NAPB: variants seen among roughly 807,000 people sequenced by gnomAD.
NAPB encodes beta-soluble NSF attachment protein.
In NAPB, 26 loss-of-function variants were observed where a neutral mutation model predicts 44.7. The observed-to-expected ratio is 0.58, with a 90% CI of 0.43 to 0.81. The LOEUF is 0.81. Ranked by LOEUF, NAPB falls within the 30% of genes least tolerant of loss-of-function variation. NAPB has a pLI of 0.00. For missense variants in NAPB, 315 were observed against 356.4 expected (o/e 0.88, Z 0.94); for synonymous variants, 120 against 116.8 (o/e 1.03, Z -0.18).
chr20:23,396,999 C>T, intron 3 of NAPB, 73 bp downstream of exon 3: 1 of 1,489,002 alleles, frequency 6.7e-7, no homozygotes, highest in South Asian at 1.3e-5. Flanking sequence ...CCAACACTGA[C>T]CTTAACGTTG....
At position 23,381,327 on chromosome 20, in the gene NAPB, G is replaced by T. The variant is rs755426688; in HGVS notation, c.562-10C>A. On this transcript the variant is annotated splice_polypyrimidine_tract_variant and intron_variant, in intron 7 of 10. Transcript: ENST00000377026. ...TTGTGTTTGCCCCAACCTAGGCACA[G>T]AACGCAGAGTTAAATTTAAAAGATT... is the stretch of plus-strand genomic sequence containing the variant. 1.3e-6 allele frequency: 2 copies of T among 1,524,680 alleles called. No individual in the cohort carries two copies. The highest frequency in any genetic ancestry group is 2.5e-5 in the South Asian group (2 of 80,670). 94.4% of individuals were successfully genotyped at this position (1,524,680 alleles called of 1,614,324 possible).
chr20:23,398,054 A>T (rs1984505979), intron 2 of NAPB, among the ~76,000 whole-genome samples: 1 of 152,192 alleles, frequency 6.6e-6, no homozygotes, highest in African/African-American at 2.4e-5. Context: ...GCCAGTGACA[A>T]GCCTGCCCTG....
intron 7 of NAPB, among the ~76,000 whole-genome samples, chr20:23,382,044 G>A (rs1313617662): frequency 6.6e-6 from 1 of 152,160 alleles, no homozygotes. Flanking sequence ...CTGGGAGCCT[G>A]CATCCTGTCT....
chr20:23,394,261 C>T (rs898853840), intron 5 of NAPB, among the ~76,000 whole-genome samples: 4 of 152,070 alleles, frequency 2.6e-5, no homozygotes, highest in Non-Finnish European at 2.9e-5. Context: ...GATCCTGCAG[C>T]GATCAAGTGT....
At chr20:23,405,542 G>C (rs917303046) in intron 1 of NAPB, among the ~76,000 whole-genome samples, 1 of 152,118 alleles carries the variant, frequency 6.6e-6, no homozygotes, top group Non-Finnish European at 1.5e-5. Context: ...GGCCAACTTG[G>C]TGAAACCTCC....
Position 23,384,634 on chromosome 20 carries a change from A to G in NAPB, c.562-3317T>C, listed in dbSNP as rs183818554. On this transcript the variant is annotated intron_variant, in intron 7 of 10. Coordinates refer to ENST00000377026, the MANE Select transcript of NAPB (RefSeq NM_022080.3). ...GAGACCCAGTCTCAAAAAAAAAGAA[A>G]GAAAGAAAAAAAAGAAAAGCAACCC... Among the ~76,000 whole-genome samples the G allele has an allele frequency of 6.6e-3, 1,006 of 152,262 alleles. 13 individuals carry two copies. The highest frequency in any genetic ancestry group is 0.023 in the African/African-American group (953 of 41,536).
chr20:23,409,504 A>G (rs563176697), intron 1 of NAPB, among the ~76,000 whole-genome samples: 6 of 152,246 alleles, frequency 3.9e-5, no homozygotes, highest in Non-Finnish European at 8.8e-5. Context: ...ATAAAACAAA[A>G]CAAACATATT....
intron 10 of NAPB, 194 bp downstream of exon 10, chr20:23,379,251 A>C (rs1192043083): frequency 2.1e-6 from 1 of 473,324 alleles, no homozygotes; most frequent in African/African-American, 2.0e-5. Flanking sequence ...TTTGAGTGTA[A>C]GTCGAATCTC....
chr20:23,415,828 T>TGGTAG (rs1032823738), intron 1 of NAPB, among the ~76,000 whole-genome samples: 1 of 151,922 alleles, frequency 6.6e-6, no homozygotes, highest in African/African-American at 2.4e-5. Flanking sequence ...TAGTCAGGCA[T>TGGTAG]GGTAGTGCAT....
At chr20:23,418,346 G>A (rs1986145714) in intron 1 of NAPB, among the ~76,000 whole-genome samples, 1 of 152,126 alleles carries the variant, frequency 6.6e-6, no homozygotes, top group Admixed American at 6.5e-5. Context: ...GCAGGGGCAG[G>A]GTGGAATAAC....
intron 10 of NAPB, among the ~76,000 whole-genome samples, chr20:23,378,227 G>A (rs1469211050): frequency 6.6e-6 from 1 of 151,604 alleles, no homozygotes; most frequent in Non-Finnish European, 1.5e-5. Context: ...AGGAGTCTCA[G>A]GTGGGAGGAT....
In NAPB at chr20:23,374,932, C is replaced by A. The variant is rs556165725; in HGVS notation, c.*2444G>T. 2 of 152,316 alleles carry A rather than the reference C, an allele frequency of 1.3e-5. No homozygotes were observed. Among genetic ancestry groups the A allele is most frequent in the African/African-American group, 2.4e-5 (1 of 41,548 alleles). The allele number at this position is 152,316 out of a possible 1,614,324, so 9.4% of individuals were successfully genotyped here. ...AACTGACTTTGACTATGAACTAACT[C>A]CAGATTTGCTAAAGTACAAGAATTG... On this transcript the variant is annotated 3_prime_UTR_variant, in exon 11 of 11. Transcript: ENST00000377026.
chr20:23,405,663 G>T (rs1209005786), intron 1 of NAPB, among the ~76,000 whole-genome samples: 1 of 152,174 alleles, frequency 6.6e-6, no homozygotes, highest in East Asian at 1.9e-4. Context: ...GGCGGAGGAT[G>T]CACTGAGCCG....
intron 5 of NAPB, among the ~76,000 whole-genome samples, chr20:23,391,944 T>C (rs1983990011): frequency 6.6e-6 from 1 of 152,166 alleles, no homozygotes; most frequent in Non-Finnish European, 1.5e-5. Context: ...CCCAAGCCCA[T>C]TAGTTAAGTG....
chr20:23,377,573 T>A, intron 10 of NAPB, 87 bp from the exon 11 acceptor site: 1 of 629,326 alleles, frequency 1.6e-6, no homozygotes, highest in South Asian at 3.9e-5. Flanking sequence ...TTTATACCTT[T>A]ACAGCCATAA....
intron 1 of NAPB, among the ~76,000 whole-genome samples, chr20:23,404,789 C>A (rs1985113791): frequency 6.6e-6 from 1 of 152,194 alleles, no homozygotes; most frequent in African/African-American, 2.4e-5. Flanking sequence ...ATCGAAACCA[C>A]ACATGTGATA....
At chr20:23,410,866 T>C (rs1985605337) in intron 1 of NAPB, among the ~76,000 whole-genome samples, 1 of 152,060 alleles carries the variant, frequency 6.6e-6, no homozygotes, top group African/African-American at 2.4e-5. Context: ...AGCTAGAAAT[T>C]TAAAAACTCA....
chr20:23,411,041 A>G (rs925530742), intron 1 of NAPB, among the ~76,000 whole-genome samples: 1 of 152,238 alleles, frequency 6.6e-6, no homozygotes, highest in Non-Finnish European at 1.5e-5. Context: ...AACAGCCAAG[A>G]GAACAAAAAT....
In NAPB at chr20:23,375,478, A is replaced by G. The variant is rs1286994643; in HGVS notation, c.*1898T>C. On this transcript the variant is annotated 3_prime_UTR_variant, in exon 11 of 11. Transcript: ENST00000377026. Reference sequence around the variant, plus strand: ...CCACTCCTCACACCCCATTTTCACAAAAGTGCATTTGGCTGGTTGTAGGAT... The same window carrying G: ...CCACTCCTCACACCCCATTTTCACAGAAGTGCATTTGGCTGGTTGTAGGAT... The G allele has an allele frequency of 6.6e-6, 1 of 151,598 alleles. No individual in the cohort carries two copies. The highest frequency in any genetic ancestry group is 1.5e-5 in the Non-Finnish European group (1 of 67,872). 9.4% of individuals were successfully genotyped at this position (151,598 alleles called of 1,614,324 possible).
Sources: gnomAD v4.1 joint callset for allele counts (sites outside exome capture counted in the v4.1 genomes callset) on GRCh38, gnomAD v4.1.1 for gene constraint, MANE v1.5 for transcripts, NCBI Gene and HGNC (gene_info 2026-07-23, HGNC 2026-07-21) for gene names.